SLC4A10: variants seen among roughly 807,000 people sequenced by gnomAD.
SLC4A10 encodes sodium-driven chloride bicarbonate exchanger.
SLC4A10 carries 42 observed loss-of-function variants against 137.7 expected under a neutral mutation model. That is an observed-to-expected ratio of 0.30 (90% CI 0.24 to 0.39). SLC4A10 has a LOEUF of 0.39. Ranked by LOEUF, SLC4A10 falls within the 10% of genes least tolerant of loss-of-function variation. The pLI, the probability that SLC4A10 is intolerant of heterozygous loss-of-function variation, is 1.00. For synonymous variants in SLC4A10, 474 were observed against 464.1 expected, an observed-to-expected ratio of 1.02 and a Z score of -0.27; for missense variants, 925 against 1,355.0, an observed-to-expected ratio of 0.68 and a Z score of 4.98.
At chr2:161,753,819 CA>C (rs2049265046) in intron 1 of SLC4A10, among the ~76,000 whole-genome samples, 1 of 151,886 alleles carries the variant, frequency 6.6e-6, no homozygotes, top group African/African-American at 2.4e-5. Flanking sequence ...AAGGTACTTC[CA>C]TTTTAACAGC....
At chr2:161,785,845 T>G (rs990743565) in intron 2 of SLC4A10, among the ~76,000 whole-genome samples, 1 of 151,836 alleles carries the variant, frequency 6.6e-6, no homozygotes, top group Non-Finnish European at 1.5e-5. Context: ...GGAAGAGCGA[T>G]TAGGCAAGAA....
chr2:161,729,507 C>A (rs2046605642), intron 1 of SLC4A10, among the ~76,000 whole-genome samples: 2 of 151,620 alleles, frequency 1.3e-5, no homozygotes, highest in Admixed American at 6.6e-5. Flanking sequence ...GAAATATACA[C>A]AAAAGTTTTT....
chr2:161,831,489 C>T (rs183005177), intron 3 of SLC4A10, among the ~76,000 whole-genome samples: 2 of 151,966 alleles, frequency 1.3e-5, no homozygotes, highest in African/African-American at 2.4e-5. Context: ...TAATTTTTAT[C>T]ACAAATATGC....
chr2:161,959,941 A>G (rs550267682), intron 21 of SLC4A10, among the ~76,000 whole-genome samples: 4 of 152,120 alleles, frequency 2.6e-5, no homozygotes, highest in African/African-American at 9.7e-5. Flanking sequence ...ATTTATGTCC[A>G]CCTGGAGTCT....
At chr2:161,770,856 A>G in intron 1 of SLC4A10, 117 bp from the exon 2 acceptor site, 8 of 662,726 alleles carry the variant, frequency 1.2e-5, no homozygotes, top group Non-Finnish European at 2.0e-5. Context: ...ACTCATGAAC[A>G]ACTAGATTTA....
intron 15 of SLC4A10, among the ~76,000 whole-genome samples, chr2:161,938,460 G>C (rs932727327): frequency 6.6e-6 from 1 of 151,418 alleles, no homozygotes; most frequent in East Asian, 1.9e-4. Context: ...ATCCGAGTTC[G>C]TGTATAAGAG....
At chr2:161,915,275 G>A (rs1240160778) in intron 15 of SLC4A10, among the ~76,000 whole-genome samples, 3 of 152,126 alleles carry the variant, frequency 2.0e-5, no homozygotes, top group South Asian at 2.1e-4. Flanking sequence ...CTCCCCGTCC[G>A]CTAAGAGCTG....
chr2:161,710,781 A>G (rs1197072976), intron 1 of SLC4A10: 4 of 449,738 alleles, frequency 8.9e-6, no homozygotes, highest in Admixed American at 2.4e-5. Context: ...TATTTGAGTA[A>G]TTCTTCAATT....
chr2:161,665,079 G>A (rs539954267), intron 1 of SLC4A10, among the ~76,000 whole-genome samples: 9 of 151,854 alleles, frequency 5.9e-5, no homozygotes, highest in African/African-American at 2.2e-4. Context: ...AATTGCAGGA[G>A]TGTAACTGAA....
Position 161,949,136 on chromosome 2 carries a change from C to A in SLC4A10, c.2266-12C>A. 6.3e-7 allele frequency: 1 copy of A among 1,576,032 alleles called. No homozygotes were observed. The highest frequency in any genetic ancestry group is 8.7e-7 in the Non-Finnish European group (1 of 1,150,668). ...AGCTACTTTAAGTGACAAGTGTTTT[C>A]ATTATTTTTAGGTTCGATCCATAGT... On this transcript the variant is annotated splice_polypyrimidine_tract_variant and intron_variant, in intron 17 of 26. Coordinates refer to ENST00000446997, the MANE Select transcript of SLC4A10 (RefSeq NM_001178015.2).
intron 1 of SLC4A10, among the ~76,000 whole-genome samples, chr2:161,686,208 ACAAT>A (rs1406691935): frequency 1.3e-5 from 2 of 152,242 alleles, no homozygotes; most frequent in Admixed American, 1.3e-4. Context: ...ACTTTTATAA[ACAAT>A]CTTAAAATCA....
At chr2:161,925,156 G>A (rs114998609) in intron 15 of SLC4A10, among the ~76,000 whole-genome samples, 2,304 of 152,246 alleles carry the variant, frequency 0.015, 54 homozygotes, top group African/African-American at 0.053. Context: ...AGCTAAAAGA[G>A]TAGGAGTTTC....
intron 1 of SLC4A10, among the ~76,000 whole-genome samples, chr2:161,704,915 G>T (rs570028230): frequency 2.4e-4 from 36 of 151,628 alleles, no homozygotes; most frequent in Non-Finnish European, 4.3e-4. Context: ...TAAGATGAAC[G>T]ACTGAACATT....
intron 21 of SLC4A10, among the ~76,000 whole-genome samples, chr2:161,962,040 A>T (rs1696812133): frequency 6.6e-6 from 1 of 152,140 alleles, no homozygotes; most frequent in South Asian, 2.1e-4. Context: ...CAAATGTAAA[A>T]CTCAGAATAC....
chr2:161,964,042 A>T, intron 21 of SLC4A10, 93 bp from the exon 22 acceptor site: 1 of 1,115,962 alleles, frequency 9.0e-7, no homozygotes, highest in Non-Finnish European at 1.2e-6. Flanking sequence ...TATGTCATTT[A>T]ACCCAAAATT....
chr2:161,919,368 G>T (rs936913323), intron 15 of SLC4A10, among the ~76,000 whole-genome samples: 1 of 152,088 alleles, frequency 6.6e-6, no homozygotes. Context: ...AAGCCTGGGG[G>T]CCAGGCTGCC....
intron 25 of SLC4A10, among the ~76,000 whole-genome samples, 162 bp downstream of exon 25, chr2:161,977,038 G>T (rs1427211124): frequency 1.3e-5 from 2 of 151,878 alleles, no homozygotes; most frequent in Non-Finnish European, 2.9e-5. Flanking sequence ...TCAAATGTTG[G>T]TATGTTTTTC....
intron 15 of SLC4A10, among the ~76,000 whole-genome samples, chr2:161,913,800 T>C (rs903249504): frequency 8.5e-5 from 13 of 152,204 alleles, no homozygotes; most frequent in African/African-American, 2.9e-4. Context: ...GTCATATTGT[T>C]ATGGGATCTT....
intron 1 of SLC4A10, among the ~76,000 whole-genome samples, chr2:161,691,573 C>G (rs1025703564): frequency 5.3e-5 from 8 of 151,700 alleles, no homozygotes; most frequent in African/African-American, 1.9e-4. Flanking sequence ...TCTCATGTAC[C>G]CCATGAATAT....
Sources: gnomAD v4.1 joint callset for allele counts (sites outside exome capture counted in the v4.1 genomes callset) on GRCh38, gnomAD v4.1.1 for gene constraint, MANE v1.5 for transcripts, NCBI Gene and HGNC (gene_info 2026-07-23, HGNC 2026-07-21) for gene names.